Variants in ITGBL1 observed in about 807,000 individuals in gnomAD.
The protein encoded by ITGBL1 is integrin subunit beta like 1, also known as integrin beta-like protein 1.
In ITGBL1, 51 loss-of-function variants were observed where a neutral mutation model predicts 68.5. The observed-to-expected ratio is 0.74, with a 90% CI of 0.59 to 0.94. The LOEUF is 0.94. Among genes scored for constraint, ITGBL1 ranks in the 40% least tolerant of loss-of-function variants. The pLI is 0.00. For synonymous variants in ITGBL1, 209 were observed against 227.3 expected (o/e 0.92, Z 0.72); for missense variants, 649 against 647.4 (o/e 1.00, Z -0.03).
At chr13:101,503,096 G>C (rs1375503893) in intron 2 of ITGBL1, among the ~76,000 whole-genome samples, 1 of 152,176 alleles carries the variant, frequency 6.6e-6, no homozygotes, top group Non-Finnish European at 1.5e-5. Flanking sequence ...CCACCAGCCA[G>C]ATGTCATATT....
chr13:101,585,305 G>GTTTATA (rs1566743041), intron 6 of ITGBL1, among the ~76,000 whole-genome samples: 1 of 152,160 alleles, frequency 6.6e-6, no homozygotes, highest in Non-Finnish European at 1.5e-5. Context: ...GTAAGCCAAA[G>GTTTATA]TTTATATTTT....
chr13:101,560,242 A>C (rs559798147), intron 2 of ITGBL1, among the ~76,000 whole-genome samples: 1 of 152,320 alleles, frequency 6.6e-6, no homozygotes, highest in Middle Eastern at 3.4e-3. Flanking sequence ...CTAGAGAAAA[A>C]TTGAGTTTAT....
intron 2 of ITGBL1, among the ~76,000 whole-genome samples, chr13:101,483,223 C>T (rs2048652223): frequency 6.6e-6 from 1 of 152,176 alleles, no homozygotes; most frequent in Non-Finnish European, 1.5e-5. Context: ...CTTGATGTTC[C>T]TGGGTAGCCT....
intron 8 of ITGBL1, among the ~76,000 whole-genome samples, chr13:101,698,198 T>G (rs1298530537): frequency 6.6e-6 from 1 of 152,204 alleles, no homozygotes; most frequent in Non-Finnish European, 1.5e-5. Flanking sequence ...ATCCAACATG[T>G]GGCCAGAGAG....
intron 2 of ITGBL1, among the ~76,000 whole-genome samples, chr13:101,554,504 A>G (rs1042208300): frequency 5.9e-5 from 9 of 152,146 alleles, no homozygotes; most frequent in African/African-American, 2.2e-4. Context: ...ACTTGTTCTC[A>G]CCATAGGTCC....
intron 2 of ITGBL1, among the ~76,000 whole-genome samples, chr13:101,475,950 C>T (rs1335017172): frequency 6.6e-6 from 1 of 152,040 alleles, no homozygotes; most frequent in East Asian, 1.9e-4. Context: ...ATGGGAAATG[C>T]TAGTTTTTCA....
At chr13:101,686,171 G>A (rs968457315) in intron 7 of ITGBL1, among the ~76,000 whole-genome samples, 1 of 151,912 alleles carries the variant, frequency 6.6e-6, no homozygotes, top group African/African-American at 2.4e-5. Context: ...TCTATGTTTT[G>A]CCCGGTTCCT....
At chr13:101,661,491 G>A (rs910361789) in intron 7 of ITGBL1, among the ~76,000 whole-genome samples, 2 of 152,136 alleles carry the variant, frequency 1.3e-5, no homozygotes, top group Non-Finnish European at 2.9e-5. Flanking sequence ...TTTCATGTGA[G>A]CTTATGGTTT....
At chr13:101,480,231 C>T (rs4624013) in intron 2 of ITGBL1, among the ~76,000 whole-genome samples, 21,432 of 151,936 alleles carry the variant, frequency 0.14, 1,981 homozygotes, top group East Asian at 0.4. Context: ...AAGACAGACT[C>T]TGCATGTCCT....
Position 101,715,895 on chromosome 13 carries a change from G to A in ITGBL1, c.*241G>A. The A allele has an allele frequency of 5.0e-6, 2 of 403,368 alleles. No individual in the cohort carries two copies. Among genetic ancestry groups the A allele is most frequent in the Non-Finnish European group, 9.1e-6 (2 of 219,906 alleles). 25.0% of individuals were successfully genotyped at this position (403,368 alleles called of 1,614,324 possible). ...TTAACATAAGTGGTTCCTAACGAGA[G>A]CAATTTTTCCACCCAAAAGTCATTT... On this transcript the variant is annotated 3_prime_UTR_variant, in exon 11 of 11. Transcript: ENST00000376180.
chr13:101,648,673 A>G (rs2032643534), intron 7 of ITGBL1, among the ~76,000 whole-genome samples: 1 of 152,212 alleles, frequency 6.6e-6, no homozygotes, highest in Non-Finnish European at 1.5e-5. Flanking sequence ...ATTATTAAAT[A>G]AAGTTCATAG....
At chr13:101,656,250 G>T (rs911052400) in intron 7 of ITGBL1, among the ~76,000 whole-genome samples, 1 of 152,134 alleles carries the variant, frequency 6.6e-6, no homozygotes, top group African/African-American at 2.4e-5. Context: ...TTCCCATTCA[G>T]ATCTTTAAAA....
intron 2 of ITGBL1, among the ~76,000 whole-genome samples, chr13:101,535,279 A>C (rs2139169874): frequency 6.6e-6 from 1 of 152,190 alleles, no homozygotes; most frequent in East Asian, 1.9e-4. Context: ...CTCCAGCAGA[A>C]GACTAGGAAA....
chr13:101,503,799 A>G (rs1207675370), intron 2 of ITGBL1, among the ~76,000 whole-genome samples: 1 of 152,198 alleles, frequency 6.6e-6, no homozygotes, highest in Non-Finnish European at 1.5e-5. Flanking sequence ...GTTAAGGATG[A>G]TGGACTAGAT....
In ITGBL1 at chr13:101,479,857, A is replaced by G. The variant is rs528780226; in HGVS notation, c.316+25757A>G. On this transcript the variant is annotated intron_variant, in intron 2 of 10. Transcript: ENST00000376180. ...GTTGGAGAAAAAGGAACCCTCTTAC[A>G]GTGTTGGTGGGAATGAAAATTAGCA... Among the ~76,000 whole-genome samples, 5 of 152,204 alleles carry G rather than the reference A, an allele frequency of 3.3e-5. No homozygotes were observed. In the South Asian group the frequency reaches 6.2e-4, roughly 19 times the overall value.
At chr13:101,536,128 G>A (rs1170696509) in intron 2 of ITGBL1, among the ~76,000 whole-genome samples, 2 of 151,742 alleles carry the variant, frequency 1.3e-5, no homozygotes, top group Non-Finnish European at 2.9e-5. Flanking sequence ...ATGTATACAT[G>A]AGATACCATC....
intron 6 of ITGBL1, among the ~76,000 whole-genome samples, chr13:101,597,876 A>C (rs2030082724): frequency 6.6e-6 from 1 of 152,220 alleles, no homozygotes; most frequent in Non-Finnish European, 1.5e-5. Flanking sequence ...AGGCCCCAGC[A>C]AACCAATACA....
At chr13:101,543,570 C>T (rs975537763) in intron 2 of ITGBL1, among the ~76,000 whole-genome samples, 2 of 151,974 alleles carry the variant, frequency 1.3e-5, no homozygotes, top group African/African-American at 2.4e-5. Flanking sequence ...ATCTTTGTGG[C>T]GTTCTCTGTA....
intron 7 of ITGBL1, among the ~76,000 whole-genome samples, chr13:101,599,693 A>G (rs998917726): frequency 2.0e-5 from 3 of 152,192 alleles, no homozygotes; most frequent in Non-Finnish European, 2.9e-5. Flanking sequence ...TTAAATAGGG[A>G]ATCCTTTCCC....
Sources: allele counts gnomAD v4.1 joint callset (sites outside exome capture counted in the v4.1 genomes callset), GRCh38; gene constraint gnomAD v4.1.1; transcripts MANE v1.5; gene names NCBI Gene and HGNC (gene_info 2026-07-23, HGNC 2026-07-21).